Variants in PLCB4 observed in about 807,000 individuals in gnomAD.
PLCB4 encodes phospholipase C beta 4.
Under a neutral mutation model 178.8 loss-of-function variants are expected in PLCB4, and 77 were observed. That is an observed-to-expected ratio of 0.43 (90% CI 0.36 to 0.52). The LOEUF (loss-of-function observed/expected upper bound fraction) is 0.52. Among genes scored for constraint, PLCB4 ranks in the 20% least tolerant of loss-of-function variants. PLCB4 has a pLI of 0.00. For synonymous variants in PLCB4, 496 were observed against 490.8 expected, an observed-to-expected ratio of 1.01 and a Z score of -0.14; for missense variants, 1,024 against 1,453.4, an observed-to-expected ratio of 0.70 and a Z score of 4.80.
intron 20 of PLCB4, among the ~76,000 whole-genome samples, chr20:9,404,397 A>G (rs2148481551): frequency 6.6e-6 from 1 of 152,268 alleles, no homozygotes; most frequent in South Asian, 2.1e-4. Context: ...GGGAATTGTG[A>G]CTACTCTGAG....
At chr20:9,170,674 T>C (rs1181044195) in intron 2 of PLCB4, among the ~76,000 whole-genome samples, 1 of 152,208 alleles carries the variant, frequency 6.6e-6, no homozygotes, top group South Asian at 2.1e-4. Context: ...ATAATGATAA[T>C]TCATGACATT....
Position 9,281,599 on chromosome 20 carries a change from A to G in PLCB4, c.-15-26201A>G, listed in dbSNP as rs185954170. On this transcript the variant is annotated intron_variant, in intron 3 of 39. Coordinates refer to ENST00000378473, the MANE Select transcript of PLCB4 (RefSeq NM_001377142.1). ...AATGTTTTAATCTTAGGTTTATCATATAACATTTTATTACCTAAAACTGCT... is the reference window on the plus strand; with the variant it reads ...AATGTTTTAATCTTAGGTTTATCATGTAACATTTTATTACCTAAAACTGCT... 5.9e-5 allele frequency among the ~76,000 whole-genome samples: 9 copies of G among 152,148 alleles called. No homozygotes were observed. In the East Asian group the frequency reaches 1.6e-3, roughly 26 times the overall value.
At chr20:9,080,923 G>A (rs2146513791) in intron 1 of PLCB4, among the ~76,000 whole-genome samples, 1 of 152,252 alleles carries the variant, frequency 6.6e-6, no homozygotes, top group Non-Finnish European at 1.5e-5. Flanking sequence ...CTATCCATCT[G>A]TTGAGTCTAC....
rs183883740 is a variant in PLCB4, at chr20:9,269,086, T to C, written c.-15-38714T>C. Among the ~76,000 whole-genome samples, 72 of 152,356 alleles carry C rather than the reference T, an allele frequency of 4.7e-4. No homozygotes were observed. The East Asian group carries it at 0.013, about 28-fold the overall frequency. On this transcript the variant is annotated intron_variant, in intron 3 of 39. Transcript: ENST00000378473. ...AAAATGAGGCTTATTCCTAATACTT[T>C]AGGCTATACTTGTGAAGCCTCATGG...
chr20:9,302,122 A>G (rs2147836000), intron 3 of PLCB4, among the ~76,000 whole-genome samples: 1 of 151,606 alleles, frequency 6.6e-6, no homozygotes, highest in African/African-American at 2.4e-5. Context: ...TTGGAAGGCA[A>G]GCTAGAGAAT....
chr20:9,113,953 C>A (rs530755712), intron 2 of PLCB4, among the ~76,000 whole-genome samples: 1 of 152,104 alleles, frequency 6.6e-6, no homozygotes, highest in Non-Finnish European at 1.5e-5. Flanking sequence ...GTGGCTCACG[C>A]CTGTAATCCC....
intron 2 of PLCB4, among the ~76,000 whole-genome samples, chr20:9,208,333 A>T (rs1158807102): frequency 4.6e-5 from 7 of 152,214 alleles, no homozygotes; most frequent in African/African-American, 1.7e-4. Flanking sequence ...TAATATACAT[A>T]AAACACTGAG....
intron 21 of PLCB4, among the ~76,000 whole-genome samples, chr20:9,407,634 C>T (rs2039546280): frequency 6.6e-6 from 1 of 152,148 alleles, no homozygotes; most frequent in Non-Finnish European, 1.5e-5. Flanking sequence ...GCATGAGCCA[C>T]CGTTCCCGGC....
At chr20:9,407,888 C>A (rs201147314) in intron 21 of PLCB4, 29 bp from the exon 22 acceptor site, 5 of 1,597,718 alleles carry the variant, frequency 3.1e-6, no homozygotes, top group Non-Finnish European at 4.3e-6. Flanking sequence ...AAGTCATCAA[C>A]TTATATGTTT....
intron 3 of PLCB4, among the ~76,000 whole-genome samples, chr20:9,246,266 T>C (rs2094124785): frequency 6.6e-6 from 1 of 152,168 alleles, no homozygotes; most frequent in African/African-American, 2.4e-5. Context: ...ATAATCTCTA[T>C]GCTCTGAATC....
At chr20:9,104,830 CCTT>C in intron 2 of PLCB4, among the ~76,000 whole-genome samples, 1 of 152,144 alleles carries the variant, frequency 6.6e-6, no homozygotes, top group East Asian at 1.9e-4. Flanking sequence ...AGCTCTCCAT[CCTT>C]CTGTAGTATG....
intron 2 of PLCB4, among the ~76,000 whole-genome samples, chr20:9,159,781 G>C (rs1453404217): frequency 6.6e-6 from 1 of 152,098 alleles, no homozygotes; most frequent in African/African-American, 2.4e-5. Context: ...GCTTCATCTT[G>C]CTCAGTATCT....
intron 3 of PLCB4, among the ~76,000 whole-genome samples, chr20:9,301,649 A>C (rs563203057): frequency 1.3e-5 from 2 of 152,266 alleles, no homozygotes; most frequent in African/African-American, 4.8e-5. Context: ...CACATGTCCT[A>C]CTTGAATATT....
intron 32 of PLCB4, among the ~76,000 whole-genome samples, chr20:9,450,658 C>CTTTTTTTTTTTTTTTTTTTTT (rs60982044): frequency 2.0e-5 from 2 of 100,248 alleles, no homozygotes; most frequent in South Asian, 3.3e-4. Flanking sequence ...CTTTTCTTTT[C>CTTTTTTTTTTTTTTTTTTTTT]TTTTTTTTTT....
intron 3 of PLCB4, among the ~76,000 whole-genome samples, chr20:9,252,652 A>C (rs1425602327): frequency 6.6e-6 from 1 of 152,180 alleles, no homozygotes. Context: ...AATATTCTGC[A>C]TATGTCAATG....
intron 2 of PLCB4, among the ~76,000 whole-genome samples, chr20:9,184,725 G>A (rs1052678970): frequency 1.6e-4 from 25 of 151,872 alleles, no homozygotes; most frequent in Admixed American, 1.4e-3. Context: ...GAGCTGTCAG[G>A]TGATCTTATG....
At chr20:9,392,179 T>C (rs2038202861) in intron 17 of PLCB4, among the ~76,000 whole-genome samples, 1 of 152,196 alleles carries the variant, frequency 6.6e-6, no homozygotes, top group African/African-American at 2.4e-5. Flanking sequence ...CTGAAGGGTG[T>C]CCAGGTTCTT....
chr20:9,117,957 G>A (rs1021750798), intron 2 of PLCB4, among the ~76,000 whole-genome samples: 1 of 151,464 alleles, frequency 6.6e-6, no homozygotes, highest in Admixed American at 6.6e-5. Context: ...AATTATATAA[G>A]CTTGCTTATT....
chr20:9,298,235 G>A (rs2094662174), intron 3 of PLCB4, among the ~76,000 whole-genome samples: 1 of 152,006 alleles, frequency 6.6e-6, no homozygotes, highest in African/African-American at 2.4e-5. Context: ...GTCTAATCAT[G>A]CTTCTATATG....
Sources: allele counts gnomAD v4.1 joint callset (sites outside exome capture counted in the v4.1 genomes callset), GRCh38; gene constraint gnomAD v4.1.1; transcripts MANE v1.5; gene names NCBI Gene and HGNC (gene_info 2026-07-23, HGNC 2026-07-21).